NXPE4: variants seen among roughly 807,000 people sequenced by gnomAD.
NXPE4 encodes neurexophilin and PC-esterase domain family member 4, also known as NXPE family member 4.
Under a neutral mutation model 33.3 loss-of-function variants are expected in NXPE4, and 42 were observed. That is an observed-to-expected ratio of 1.26 (90% CI 0.98 to 1.63). The LOEUF (loss-of-function observed/expected upper bound fraction) is 1.63. Among genes scored for constraint, NXPE4 ranks in the 40% most tolerant of loss-of-function variants. The pLI is 0.00. For missense variants in NXPE4, 709 were observed against 647.6 expected (o/e 1.09, Z -1.03); for synonymous variants, 253 against 234.9 (o/e 1.08, Z -0.71).
chr11:114,601,676 A>G, the NXPE4 span, among the ~76,000 whole-genome samples: 1 of 21,988 alleles, frequency 4.5e-5, no homozygotes, highest in East Asian at 1.2e-3. Flanking sequence ...ATATATTATA[A>G]TTATAGATTA....
chr11:114,675,518 A>G, the NXPE4 span, among the ~76,000 whole-genome samples: 1 of 151,908 alleles, frequency 6.6e-6, no homozygotes, highest in Non-Finnish European at 1.5e-5. Context: ...ACAATAAACT[A>G]TCTGAAAAAG....
At chr11:114,607,168 T>C in the NXPE4 span, among the ~76,000 whole-genome samples, 1 of 151,812 alleles carries the variant, frequency 6.6e-6, no homozygotes, top group Non-Finnish European at 1.5e-5. Flanking sequence ...CACTGGATAA[T>C]CAGTGTTGCA....
At chr11:114,660,258 T>G in the NXPE4 span, among the ~76,000 whole-genome samples, 1 of 152,016 alleles carries the variant, frequency 6.6e-6, no homozygotes, top group African/African-American at 2.4e-5. Flanking sequence ...TTCTACTGAT[T>G]TTTTTCAGAA....
At chr11:114,637,215 TA>T in the NXPE4 span, among the ~76,000 whole-genome samples, 1 of 152,102 alleles carries the variant, frequency 6.6e-6, no homozygotes, top group Non-Finnish European at 1.5e-5. Flanking sequence ...TACCATTAAG[TA>T]ATGGCCTTCT....
the NXPE4 span, among the ~76,000 whole-genome samples, chr11:114,618,444 G>T: frequency 6.6e-6 from 1 of 152,062 alleles, no homozygotes; most frequent in Non-Finnish European, 1.5e-5. Flanking sequence ...TGGATAGTAA[G>T]TATTGCCTCA....
the NXPE4 span, among the ~76,000 whole-genome samples, chr11:114,630,638 A>G: frequency 9.9e-5 from 15 of 151,432 alleles, no homozygotes; most frequent in South Asian, 3.1e-3. Flanking sequence ...CTAAAACACC[A>G]AAAGCAATGG....
At chr11:114,636,572 T>A in the NXPE4 span, among the ~76,000 whole-genome samples, 1 of 151,826 alleles carries the variant, frequency 6.6e-6, no homozygotes, top group African/African-American at 2.4e-5. Flanking sequence ...CAATTTTGGA[T>A]CTTTCCTGCT....
the NXPE4 span, among the ~76,000 whole-genome samples, chr11:114,613,629 C>T: frequency 1.6e-4 from 24 of 151,416 alleles, no homozygotes; most frequent in African/African-American, 5.8e-4. Context: ...CTGTTACACA[C>T]TGGATAACAA....
At chr11:114,627,267 G>C in the NXPE4 span, among the ~76,000 whole-genome samples, 3 of 152,038 alleles carry the variant, frequency 2.0e-5, no homozygotes, top group Non-Finnish European at 4.4e-5. Flanking sequence ...GGCAGCCAGA[G>C]AGAAAGGTCG....
the NXPE4 span, among the ~76,000 whole-genome samples, chr11:114,650,834 G>T: frequency 1.4e-5 from 2 of 147,118 alleles, no homozygotes; most frequent in Non-Finnish European, 3.1e-5. Context: ...GGCTGGACCC[G>T]GAAAACAGAG....
At chr11:114,586,904 A>G (rs1247232600) in intron 2 of NXPE4, among the ~76,000 whole-genome samples, 3 of 152,130 alleles carry the variant, frequency 2.0e-5, no homozygotes, top group Admixed American at 1.3e-4. Flanking sequence ...CTGGGAATAT[A>G]GCTCATGGGA....
chr11:114,629,243 TTGA>T, the NXPE4 span, among the ~76,000 whole-genome samples: 1 of 151,962 alleles, frequency 6.6e-6, no homozygotes, highest in Admixed American at 6.6e-5. Context: ...ACCAATATCC[TTGA>T]TGAACATTGA....
At chr11:114,633,281 ATAT>A in the NXPE4 span, among the ~76,000 whole-genome samples, 4 of 138,514 alleles carry the variant, frequency 2.9e-5, no homozygotes, top group Non-Finnish European at 6.1e-5. Context: ...GTATTATGTT[ATAT>A]TATAAAATTC....
rs201525212 is a variant in NXPE4, at chr11:114,594,776, G to T, written c.-10-7C>A. ...TATTTTCATGATTAGGATCCTACAA[G>T]AGACAATACAAAAACAAGCACAAAA... On this transcript the variant is annotated splice_polypyrimidine_tract_variant and splice_region_variant and intron_variant, in intron 1 of 5. Transcript: ENST00000375478. 3 of 1,290,182 alleles carry T rather than the reference G, an allele frequency of 2.3e-6. No homozygotes were observed. In the South Asian group the frequency reaches 3.8e-5, roughly 16 times the overall value. 79.9% of individuals were successfully genotyped at this position (1,290,182 alleles called of 1,614,324 possible).
At chr11:114,626,514 C>G in the NXPE4 span, among the ~76,000 whole-genome samples, 16 of 152,240 alleles carry the variant, frequency 1.1e-4, no homozygotes, top group Admixed American at 7.8e-4. Context: ...CACCAAAAAC[C>G]CATCTGTACA....
At chr11:114,633,960 C>A in the NXPE4 span, among the ~76,000 whole-genome samples, 1 of 152,008 alleles carries the variant, frequency 6.6e-6, no homozygotes, top group Non-Finnish European at 1.5e-5. Context: ...TGATTTATAG[C>A]CCTTTGGGTA....
At chr11:114,584,679 G>A (rs1949248409) in intron 2 of NXPE4, 1 of 155,592 alleles carries the variant, frequency 6.4e-6, no homozygotes, top group Non-Finnish European at 1.4e-5. Context: ...AGGTCAAGGA[G>A]CAGGTCAAGC....
the NXPE4 span, among the ~76,000 whole-genome samples, chr11:114,634,851 G>C: frequency 3.3e-5 from 5 of 152,052 alleles, no homozygotes; most frequent in Non-Finnish European, 5.9e-5. Flanking sequence ...GTGCTATGCT[G>C]TTTTGGTTAC....
chr11:114,570,959 T>C lies in NXPE4; in HGVS notation c.1614A>G (p.Ile538Met), dbSNP rs771676061. 1 of 1,597,012 alleles carries C rather than the reference T, an allele frequency of 6.3e-7. No individual in the cohort carries two copies. The change falls in exon 6 of 6, where the codon ATA (isoleucine) becomes ATG (methionine). Residue 538 changes from isoleucine to methionine, a missense_variant. Ile to Met is a conservative substitution (Grantham distance 10, BLOSUM62 1). Transcript: ENST00000375478. ...TTATTTAACAAATATAGTTTAATAA[T>C]ATATTAATCTGATTTCCGACTACAT... Reference protein sequence around the residue: ...PQHVVGNQINILLNYIC With the variant: ...PQHVVGNQINMLLNYIC
Sources: allele counts gnomAD v4.1 joint callset (sites outside exome capture counted in the v4.1 genomes callset), GRCh38; gene constraint gnomAD v4.1.1; transcripts MANE v1.5; gene names NCBI Gene and HGNC (gene_info 2026-07-23, HGNC 2026-07-21).